Variants in RABGAP1 observed in about 807,000 individuals in gnomAD.
RABGAP1 encodes RAB GTPase activating protein 1.
RABGAP1 carries 23 observed loss-of-function variants against 137.6 expected under a neutral mutation model. That is an observed-to-expected ratio of 0.17 (90% CI 0.12 to 0.24). The LOEUF (loss-of-function observed/expected upper bound fraction) is 0.24, where lower values mean the gene tolerates loss of function less well. Among genes scored for constraint, RABGAP1 ranks in the 10% least tolerant of loss-of-function variants. The probability of loss-of-function intolerance (pLI) is 1.00; values close to 1 mark genes in which losing one functional copy is unlikely to be tolerated. For synonymous variants in RABGAP1, 451 were observed against 450.7 expected, an observed-to-expected ratio of 1.00 and a Z score of -0.01; for missense variants, 906 against 1,275.8, an observed-to-expected ratio of 0.71 and a Z score of 4.42.
chr9:122,944,828 C>T (rs1310500487), intron 1 of RABGAP1, among the ~76,000 whole-genome samples: 2 of 151,870 alleles, frequency 1.3e-5, no homozygotes, highest in African/African-American at 4.8e-5. Context: ...CCACCTGCCT[C>T]GGCCTCCCAA....
chr9:123,051,176 T>C (rs1425494455), intron 13 of RABGAP1, among the ~76,000 whole-genome samples: 2 of 147,440 alleles, frequency 1.4e-5, no homozygotes, highest in African/African-American at 5.0e-5. Context: ...GACTGTGCCT[T>C]TTCTTTGAGG....
At chr9:123,037,925 C>T (rs962029772) in intron 13 of RABGAP1, among the ~76,000 whole-genome samples, 1 of 152,094 alleles carries the variant, frequency 6.6e-6, no homozygotes, top group Admixed American at 6.6e-5. Context: ...TTTTTAGATT[C>T]AGTTACCATG....
intron 14 of RABGAP1, among the ~76,000 whole-genome samples, chr9:123,066,323 C>T (rs1470592837): frequency 6.6e-6 from 1 of 152,178 alleles, no homozygotes; most frequent in Admixed American, 6.5e-5. Flanking sequence ...TCTTTCTGAT[C>T]ATCCTTTTTA....
intron 14 of RABGAP1, among the ~76,000 whole-genome samples, chr9:123,068,713 TATA>T (rs1161761777): frequency 1.3e-5 from 2 of 152,154 alleles, no homozygotes. Context: ...ATGGGTGTGG[TATA>T]ATAAGATTAC....
At chr9:123,023,125 C>G (rs939823469) in intron 13 of RABGAP1, among the ~76,000 whole-genome samples, 10 of 152,108 alleles carry the variant, frequency 6.6e-5, no homozygotes, top group African/African-American at 2.4e-4. Flanking sequence ...CCTTACTACA[C>G]CCCTGAGTAA....
the RABGAP1 span, among the ~76,000 whole-genome samples, chr9:122,935,153 A>G: frequency 6.6e-6 from 1 of 151,992 alleles, no homozygotes; most frequent in South Asian, 2.1e-4. Flanking sequence ...TTTTGTGTAT[A>G]TTCTATAGAT....
At chr9:123,001,615 C>T (rs796950640) in intron 10 of RABGAP1, among the ~76,000 whole-genome samples, 2 of 152,132 alleles carry the variant, frequency 1.3e-5, no homozygotes, top group African/African-American at 2.4e-5. Context: ...GATTAGGGGT[C>T]GTCATCTAGA....
chr9:123,072,283 T>C (rs2034381448), intron 15 of RABGAP1, among the ~76,000 whole-genome samples: 1 of 152,186 alleles, frequency 6.6e-6, no homozygotes, highest in Non-Finnish European at 1.5e-5. Context: ...ACCACTTTGG[T>C]TTTTCTTAAC....
intron 1 of RABGAP1, among the ~76,000 whole-genome samples, chr9:122,950,377 C>CTTTCTTT (rs1834167534): frequency 2.7e-5 from 2 of 74,486 alleles, no homozygotes; most frequent in African/African-American, 1.1e-4. Context: ...CTTTTTCTTT[C>CTTTCTTT]TTTTTTTTTT....
intron 2 of RABGAP1, among the ~76,000 whole-genome samples, chr9:122,963,936 G>A (rs770607880): frequency 6.6e-5 from 10 of 152,256 alleles, no homozygotes; most frequent in South Asian, 2.1e-4. Context: ...CTGATAATAC[G>A]TAGAATTATG....
chr9:122,994,719 T>C (rs1836927843), intron 6 of RABGAP1, among the ~76,000 whole-genome samples: 2 of 152,234 alleles, frequency 1.3e-5, no homozygotes, highest in South Asian at 4.1e-4. Flanking sequence ...AGATACAATT[T>C]AGATTTTTTG....
intron 13 of RABGAP1, among the ~76,000 whole-genome samples, chr9:123,036,223 A>C (rs2032652737): frequency 6.6e-6 from 1 of 152,248 alleles, no homozygotes; most frequent in South Asian, 2.1e-4. Flanking sequence ...CATAAACATT[A>C]ATTTTAGAAT....
At chr9:123,071,498 A>C (rs543174986) in intron 15 of RABGAP1, 1 of 152,394 alleles carries the variant, frequency 6.6e-6, no homozygotes, top group South Asian at 2.1e-4. Flanking sequence ...GCTGAAGATC[A>C]GAGGTAAATA....
At chr9:122,980,131 A>G (rs921811886) in intron 2 of RABGAP1, among the ~76,000 whole-genome samples, 16 of 152,350 alleles carry the variant, frequency 1.1e-4, no homozygotes, top group Admixed American at 3.3e-4. Context: ...GGCTGCTTTC[A>G]TGCTACAAAG....
chr9:123,055,260 C>T (rs1036276159), intron 13 of RABGAP1, among the ~76,000 whole-genome samples: 3 of 152,196 alleles, frequency 2.0e-5, no homozygotes, highest in Non-Finnish European at 4.4e-5. Flanking sequence ...GGCACGATCA[C>T]AGCTCACTGC....
At chr9:123,039,208 C>T (rs1265606168) in intron 13 of RABGAP1, among the ~76,000 whole-genome samples, 1 of 152,122 alleles carries the variant, frequency 6.6e-6, no homozygotes, top group Non-Finnish European at 1.5e-5. Flanking sequence ...ACTTAGCAAT[C>T]CCAGACTTGA....
intron 19 of RABGAP1, among the ~76,000 whole-genome samples, chr9:123,083,293 G>C (rs940932213): frequency 6.6e-6 from 1 of 152,214 alleles, no homozygotes; most frequent in African/African-American, 2.4e-5. Context: ...CTCTGTGTCA[G>C]AGTTGAAACT....
intron 1 of RABGAP1, among the ~76,000 whole-genome samples, chr9:122,944,630 G>A (rs1346383802): frequency 1.3e-5 from 2 of 152,042 alleles, no homozygotes; most frequent in African/African-American, 2.4e-5. Flanking sequence ...GAGTGCAGTG[G>A]CGTGATCTCG....
chr9:123,097,780 A>C lies in RABGAP1; in HGVS notation c.2668A>C (p.Met890Leu). 2 of 1,613,958 alleles carry C rather than the reference A, an allele frequency of 1.2e-6. No homozygotes were observed. Among genetic ancestry groups the C allele is most frequent in the Non-Finnish European group, 1.7e-6 (2 of 1,179,934 alleles). The stretch of plus-strand genomic sequence containing the variant: ...AGATGCTCTGAATAAGGAGCTGCTG[A>C]TGACCAAACAGAAGTTGATTGATGC... ...KADALNKELLMTKQKLIDAEE... is the reference protein window; with the variant it reads ...KADALNKELLLTKQKLIDAEE... The change falls in exon 22 of 26, where the codon ATG (methionine) becomes CTG (leucine). Residue 890 changes from methionine to leucine, a missense_variant. Around this residue, in one of 9 missense-constraint regions of RABGAP1, gnomAD observed 193 missense variants for 248.1 expected, o/e 0.78. Transcript: ENST00000373647.
Sources: allele counts gnomAD v4.1 joint callset (sites outside exome capture counted in the v4.1 genomes callset), GRCh38; gene constraint gnomAD v4.1.1; regional missense constraint gnomAD v4.1.1; transcripts MANE v1.5; gene names NCBI Gene and HGNC (gene_info 2026-07-23, HGNC 2026-07-21).